Variants in HPSE2 observed in about 807,000 individuals in gnomAD.
HPSE2 encodes the protein inactive heparanase-2.
In HPSE2, 38 loss-of-function variants were observed where a neutral mutation model predicts 60.5. The ratio of observed to expected loss-of-function variants is 0.63; its 90% CI spans 0.48 to 0.82. The LOEUF (loss-of-function observed/expected upper bound fraction) is 0.82. Among genes scored for constraint, HPSE2 ranks in the 40% least tolerant of loss-of-function variants. The probability of loss-of-function intolerance (pLI) is 0.00; values close to 1 mark genes in which losing one functional copy is unlikely to be tolerated. For missense variants in HPSE2, 713 were observed against 740.4 expected, an observed-to-expected ratio of 0.96 and a Z score of 0.43; for synonymous variants, 295 against 293.2, an observed-to-expected ratio of 1.01 and a Z score of -0.06.
At chr10:99,118,359 T>G (rs993685489) in intron 3 of HPSE2, among the ~76,000 whole-genome samples, 1 of 151,206 alleles carries the variant, frequency 6.6e-6, no homozygotes, top group Admixed American at 6.6e-5. Context: ...CTGTCTCTAC[T>G]AAAAATACAA....
intron 2 of HPSE2, among the ~76,000 whole-genome samples, chr10:99,222,471 C>T (rs1849346499): frequency 6.6e-6 from 1 of 152,116 alleles, no homozygotes; most frequent in African/African-American, 2.4e-5. Context: ...CTTCACAGGA[C>T]TTCACTAGGC....
At chr10:98,632,650 A>G (rs1946394156) in intron 7 of HPSE2, among the ~76,000 whole-genome samples, 1 of 152,214 alleles carries the variant, frequency 6.6e-6, no homozygotes, top group African/African-American at 2.4e-5. Context: ...AGGCTAATTT[A>G]CCGAGAAGTT....
In HPSE2 at chr10:98,927,038, C is replaced by T. The variant is rs907862850; in HGVS notation, c.611-182982G>A. On this transcript the variant is annotated intron_variant, in intron 3 of 11. Transcript: ENST00000370552. ...GAGAGCTTTACTTCCAAGTATGTGG[C>T]CAATTTTGGAATAGGCGTGGTGCTG... Among the ~76,000 whole-genome samples, 9 of 152,146 alleles carry T rather than the reference C, an allele frequency of 5.9e-5. No individual in the cohort carries two copies. In the South Asian group the frequency reaches 6.2e-4, roughly 11 times the overall value.
chr10:98,575,808 C>T lies in HPSE2; in HGVS notation c.1320+39096G>A, dbSNP rs538912718. On this transcript the variant is annotated intron_variant, in intron 9 of 11. Transcript: ENST00000370552. ...AACAACCACCACCATTTTTAATTCCCCAGAGTTTCTAATTTGAAATCAGAC... is the reference window on the plus strand; with the variant it reads ...AACAACCACCACCATTTTTAATTCCTCAGAGTTTCTAATTTGAAATCAGAC... 1.8e-3 allele frequency among the ~76,000 whole-genome samples: 268 copies of T among 152,242 alleles called. 1 individual carries two copies. Among genetic ancestry groups the T allele is most frequent in the Non-Finnish European group, 3.0e-3 (202 of 68,020 alleles).
At position 98,852,113 on chromosome 10, in the gene HPSE2, A is replaced by ATATATGTGTGTGTG. The variant is rs779720749; in HGVS notation, c.611-108058_611-108057insCACACACACATATA. The stretch of plus-strand genomic sequence containing the variant: ...GGTTTTGCAAACCTTGTATATTATG[A>ATATATGTGTGTGTG]TGTGTGTGTGTGTGTGTGTGTGTGT... On this transcript the variant is annotated intron_variant, in intron 3 of 11. Transcript: ENST00000370552. Among the ~76,000 whole-genome samples the ATATATGTGTGTGTG allele has an allele frequency of 2.5e-3, 234 of 91,896 alleles. 2 individuals are homozygous for ATATATGTGTGTGTG. The highest frequency in any genetic ancestry group is 4.2e-3 in the East Asian group (11 of 2,618). The allele number at this position is 91,896 out of a possible 152,430, so 60.3% of individuals were successfully genotyped here. A position where few individuals can be genotyped will look rare whatever the true frequency, so the allele number is the denominator to read the frequency against.
intron 3 of HPSE2, among the ~76,000 whole-genome samples, chr10:98,854,251 A>G (rs990085654): frequency 3.3e-5 from 5 of 152,098 alleles, no homozygotes; most frequent in African/African-American, 9.7e-5. Context: ...CTTTTATGAG[A>G]AATGGTTTAC....
chr10:98,539,425 G>T (rs1027498918), intron 9 of HPSE2, among the ~76,000 whole-genome samples: 7 of 152,146 alleles, frequency 4.6e-5, no homozygotes, highest in African/African-American at 1.7e-4. Flanking sequence ...AGAGGCTGAG[G>T]CAGGAGAATA....
chr10:98,951,743 A>G (rs566281331), intron 3 of HPSE2, among the ~76,000 whole-genome samples: 35 of 152,328 alleles, frequency 2.3e-4, no homozygotes, highest in African/African-American at 8.4e-4. Flanking sequence ...AGGCAGAAAC[A>G]GACCATTATC....
At chr10:98,795,976 T>C (rs1301561038) in intron 3 of HPSE2, among the ~76,000 whole-genome samples, 3 of 152,144 alleles carry the variant, frequency 2.0e-5, no homozygotes, top group Non-Finnish European at 4.4e-5. Context: ...GCAGGATTCA[T>C]TGCTGCTGAC....
intron 3 of HPSE2, among the ~76,000 whole-genome samples, chr10:98,881,179 T>C (rs1953012628): frequency 6.6e-6 from 1 of 152,108 alleles, no homozygotes; most frequent in African/African-American, 2.4e-5. Context: ...GAACATAGAA[T>C]GATGAATTCA....
chr10:98,484,178 T>G (rs993370900), intron 10 of HPSE2, among the ~76,000 whole-genome samples: 2 of 151,964 alleles, frequency 1.3e-5, no homozygotes, highest in African/African-American at 4.8e-5. Flanking sequence ...CTGCCTGCCT[T>G]CCTTTCTTCC....
chr10:98,644,143 T>A (rs182152021), intron 6 of HPSE2, among the ~76,000 whole-genome samples: 52 of 152,320 alleles, frequency 3.4e-4, no homozygotes, highest in Admixed American at 9.1e-4. Flanking sequence ...ACCCAGAATC[T>A]GGAGTTAGAA....
At chr10:99,061,735 GT>G (rs1207806598) in intron 3 of HPSE2, among the ~76,000 whole-genome samples, 4 of 152,214 alleles carry the variant, frequency 2.6e-5, no homozygotes, top group Non-Finnish European at 5.9e-5. Context: ...ATTACTAGCT[GT>G]TTGAGCTTGG....
intron 3 of HPSE2, among the ~76,000 whole-genome samples, chr10:98,985,165 G>C (rs1956310319): frequency 6.6e-6 from 1 of 152,120 alleles, no homozygotes; most frequent in Admixed American, 6.5e-5. Context: ...TCCTCGAGAA[G>C]AGCAACTCCA....
chr10:99,236,259 A>G (rs1849851378), upstream of HPSE2, among the ~76,000 whole-genome samples: 1 of 151,948 alleles, frequency 6.6e-6, no homozygotes, highest in Non-Finnish European at 1.5e-5. Context: ...AGAGGGAGGA[A>G]TCCAAACCAT....
chr10:98,923,116 T>C (rs894474120), intron 3 of HPSE2, among the ~76,000 whole-genome samples: 4 of 152,234 alleles, frequency 2.6e-5, no homozygotes, highest in Non-Finnish European at 4.4e-5. Context: ...TTTATTTGTC[T>C]GAGAATGTCT....
intron 3 of HPSE2, among the ~76,000 whole-genome samples, chr10:98,924,844 A>T (rs888642147): frequency 2.6e-5 from 4 of 152,170 alleles, no homozygotes; most frequent in African/African-American, 4.8e-5. Flanking sequence ...AGGACCCCAG[A>T]GCACTTTAGC....
At chr10:98,746,560 T>C (rs1006277289) in intron 3 of HPSE2, among the ~76,000 whole-genome samples, 1 of 152,032 alleles carries the variant, frequency 6.6e-6, no homozygotes, top group Non-Finnish European at 1.5e-5. Flanking sequence ...AAAAACAAAT[T>C]ATGTTTGCCT....
chr10:98,691,023 T>C (rs1032539734), intron 6 of HPSE2, among the ~76,000 whole-genome samples: 3 of 152,234 alleles, frequency 2.0e-5, no homozygotes, highest in Non-Finnish European at 4.4e-5. Flanking sequence ...AAATTCTATG[T>C]TAGTCTCCCC....
Sources: allele counts gnomAD v4.1 joint callset (sites outside exome capture counted in the v4.1 genomes callset), GRCh38; gene constraint gnomAD v4.1.1; transcripts MANE v1.5; gene names NCBI Gene and HGNC (gene_info 2026-07-23, HGNC 2026-07-21).